Variants in KIAA1217 observed in about 807,000 individuals in gnomAD.
KIAA1217 encodes the protein sickle tail protein homolog.
A neutral mutation model predicts 163.9 loss-of-function variants in KIAA1217; 88 were observed. The ratio of observed to expected loss-of-function variants is 0.54; its 90% CI spans 0.45 to 0.64. The LOEUF is 0.64. Among genes scored for constraint, KIAA1217 ranks in the 30% least tolerant of loss-of-function variants. The probability of loss-of-function intolerance (pLI) is 0.00; values close to 1 mark genes in which losing one functional copy is unlikely to be tolerated. For synonymous variants in KIAA1217, 903 were observed against 923.1 expected, an observed-to-expected ratio of 0.98 and a Z score of 0.39; for missense variants, 2,372 against 2,475.0, an observed-to-expected ratio of 0.96 and a Z score of 0.88.
At chr10:24,302,108 C>T (rs1414925876) in intron 2 of KIAA1217, among the ~76,000 whole-genome samples, 2 of 152,150 alleles carry the variant, frequency 1.3e-5, no homozygotes, top group Non-Finnish European at 2.9e-5. Context: ...AACTTACTTA[C>T]AGGGATGGTC....
intron 1 of KIAA1217, among the ~76,000 whole-genome samples, chr10:23,853,523 C>T (rs1453108417): frequency 6.6e-6 from 1 of 152,142 alleles, no homozygotes; most frequent in Non-Finnish European, 1.5e-5. Context: ...ATGATGCTGG[C>T]CTCATAAAAT....
At chr10:24,334,933 A>G (rs2046156506) in intron 2 of KIAA1217, among the ~76,000 whole-genome samples, 2 of 152,164 alleles carry the variant, frequency 1.3e-5, no homozygotes, top group African/African-American at 4.8e-5. Context: ...TTCCTCTGTA[A>G]GCATCTTCTT....
intron 2 of KIAA1217, among the ~76,000 whole-genome samples, chr10:24,347,786 T>C (rs1421477395): frequency 5.3e-5 from 8 of 152,200 alleles, no homozygotes; most frequent in African/African-American, 9.7e-5. Flanking sequence ...CCCAGCTTTA[T>C]TGAGTATAAT....
At chr10:24,385,513 C>T (rs1394999089) in intron 3 of KIAA1217, among the ~76,000 whole-genome samples, 2 of 152,152 alleles carry the variant, frequency 1.3e-5, no homozygotes, top group African/African-American at 2.4e-5. Flanking sequence ...AGCCAAGTGA[C>T]AGCAACACAC....
intron 2 of KIAA1217, among the ~76,000 whole-genome samples, chr10:24,279,003 C>T (rs756230848): frequency 1.3e-5 from 2 of 151,914 alleles, no homozygotes; most frequent in African/African-American, 2.4e-5. Context: ...ATTACAGTCA[C>T]GGGCCACCAC....
intron 2 of KIAA1217, among the ~76,000 whole-genome samples, chr10:24,232,935 C>CAAAAAAAAAAAAAAAAAAAA (rs908492411): frequency 1.8e-5 from 1 of 56,308 alleles, no homozygotes; most frequent in Non-Finnish European, 3.0e-5. Context: ...CTTATCTCTA[C>CAAAAAAAAAAAAAAAAAAAA]AAAAAAAAAA....
chr10:24,125,972 CT>C (rs370782894), intron 2 of KIAA1217, among the ~76,000 whole-genome samples: 33 of 152,246 alleles, frequency 2.2e-4, no homozygotes, highest in African/African-American at 7.5e-4. Context: ...TTTAAGATCT[CT>C]TTTGTCTTTG....
intron 1 of KIAA1217, among the ~76,000 whole-genome samples, chr10:23,806,184 C>T (rs1836735032): frequency 6.6e-6 from 1 of 152,000 alleles, no homozygotes; most frequent in Admixed American, 6.6e-5. Flanking sequence ...TACACTTGCA[C>T]CTGTGTGCAC....
At chr10:24,409,762 G>A (rs1297163429) in intron 3 of KIAA1217, among the ~76,000 whole-genome samples, 1 of 151,790 alleles carries the variant, frequency 6.6e-6, no homozygotes, top group Non-Finnish European at 1.5e-5. Context: ...CCTTTCCCCT[G>A]AGTCCCCAGA....
chr10:24,157,818 T>C (rs1004329183), intron 2 of KIAA1217: 13 of 471,158 alleles, frequency 2.8e-5, no homozygotes, highest in Non-Finnish European at 2.3e-5. Context: ...GAATATAAAA[T>C]AGAAGTTCCT....
intron 17 of KIAA1217, chr10:24,542,425 T>G: frequency 1.0e-6 from 1 of 962,394 alleles, no homozygotes; most frequent in Non-Finnish European, 1.4e-6. Context: ...TCTGTCCCTT[T>G]ATTTTCTTCA....
At chr10:23,867,358 A>G (rs1205506381) in intron 1 of KIAA1217, among the ~76,000 whole-genome samples, 6 of 151,846 alleles carry the variant, frequency 4.0e-5, no homozygotes, top group African/African-American at 1.2e-4. Flanking sequence ...TCCTTTGGGT[A>G]TATACCCAGT....
At chr10:24,226,976 T>G (rs932534135) in intron 2 of KIAA1217, among the ~76,000 whole-genome samples, 2 of 152,146 alleles carry the variant, frequency 1.3e-5, no homozygotes, top group African/African-American at 4.8e-5. Flanking sequence ...TCCCAGTTAT[T>G]CACAGAATTT....
intron 2 of KIAA1217, among the ~76,000 whole-genome samples, chr10:24,339,202 T>G (rs558560069): frequency 5.3e-5 from 8 of 152,196 alleles, no homozygotes; most frequent in Non-Finnish European, 1.0e-4. Flanking sequence ...TTTTTAAATA[T>G]CCCTTTTTGG....
At chr10:23,773,940 AT>A (rs1184495263) in intron 1 of KIAA1217, among the ~76,000 whole-genome samples, 2 of 152,122 alleles carry the variant, frequency 1.3e-5, no homozygotes, top group Admixed American at 6.5e-5. Context: ...TCCTAATTGA[AT>A]ACCATTTATT....
intron 2 of KIAA1217, among the ~76,000 whole-genome samples, chr10:24,074,861 GC>G (rs1370317570): frequency 6.6e-6 from 1 of 151,776 alleles, no homozygotes; most frequent in Non-Finnish European, 1.5e-5. Context: ...AACATGCTTG[GC>G]TAATTTTTGT....
chr10:24,162,434 A>G (rs1352048029), intron 2 of KIAA1217, among the ~76,000 whole-genome samples: 1 of 152,220 alleles, frequency 6.6e-6, no homozygotes, highest in Non-Finnish European at 1.5e-5. Flanking sequence ...TGGCAGAAAC[A>G]TTCTCCAACC....
intron 2 of KIAA1217, among the ~76,000 whole-genome samples, chr10:24,016,817 A>C (rs560453530): frequency 6.6e-6 from 1 of 152,158 alleles, no homozygotes; most frequent in African/African-American, 2.4e-5. Context: ...ATTGAACATG[A>C]TAAAATATAT....
At position 24,389,906 on chromosome 10, in the gene KIAA1217, G is replaced by A. The variant is rs975062957; in HGVS notation, c.553+8839G>A. 3.8e-5 allele frequency among the ~76,000 whole-genome samples: 4 copies of A among 105,752 alleles called. No homozygotes were observed. In the South Asian group the frequency reaches 1.3e-3, roughly 33 times the overall value. 69.4% of individuals were successfully genotyped at this position (105,752 alleles called of 152,430 possible). A position where few individuals can be genotyped will look rare whatever the true frequency, so the allele number is the denominator to read the frequency against. ...GATCGGGTTGAGACTGCTGGGGCAG[G>A]CATCCATCTCTAGTACTGAAGTGAA... On this transcript the variant is annotated intron_variant, in intron 3 of 20. Coordinates refer to ENST00000376454, the MANE Select transcript of KIAA1217 (RefSeq NM_019590.5).
Sources: allele counts gnomAD v4.1 joint callset (sites outside exome capture counted in the v4.1 genomes callset), GRCh38; gene constraint gnomAD v4.1.1; transcripts MANE v1.5; gene names NCBI Gene and HGNC (gene_info 2026-07-23, HGNC 2026-07-21).